DISP1: variants seen among roughly 807,000 people sequenced by gnomAD.
DISP1 encodes the protein dispatched RND transporter family member 1.
In DISP1, 30 loss-of-function variants were observed where a neutral mutation model predicts 37.3. The ratio of observed to expected loss-of-function variants is 0.80; its 90% CI spans 0.60 to 1.09. The LOEUF (loss-of-function observed/expected upper bound fraction) is 1.09. DISP1 is among the 50% of genes least tolerant of loss of function. DISP1 has a pLI of 0.00. For missense variants in DISP1, 1,598 were observed against 1,879.5 expected, an observed-to-expected ratio of 0.85 and a Z score of 2.77; for synonymous variants, 634 against 690.2, an observed-to-expected ratio of 0.92 and a Z score of 1.28.
intron 2 of DISP1, among the ~76,000 whole-genome samples, chr1:222,936,125 A>G (rs956699604): frequency 5.9e-5 from 9 of 152,158 alleles, no homozygotes; most frequent in Non-Finnish European, 1.0e-4. Flanking sequence ...AAATACCTGC[A>G]TTACAGTTGT....
At chr1:222,986,306 G>A (rs201194595) in intron 4 of DISP1, among the ~76,000 whole-genome samples, 2 of 151,768 alleles carry the variant, frequency 1.3e-5, no homozygotes, top group Non-Finnish European at 2.9e-5. Context: ...AAGAGCAAGG[G>A]AAAAAAAATC....
At position 223,005,281 on chromosome 1, in the gene DISP1, G is replaced by A. The variant is rs1679816376; in HGVS notation, c.3884G>A (p.Cys1295Tyr). ...TGCCAGCAGATGGGGGACTGCTTGT[G>A]CCACCAGTGCTCTCCTACCACTAGC... ...HSCQQMGDCLCHQCSPTTSSF... is the reference protein window; with the variant it reads ...HSCQQMGDCLYHQCSPTTSSF... The change falls in exon 9 of 9, where the codon TGC becomes TAC. Residue 1295 changes from cysteine to tyrosine, a missense_variant. Physicochemically the swap from Cys to Tyr is radical, Grantham distance 194. Transcript: ENST00000675850. 5.0e-6 allele frequency: 8 copies of A among 1,613,790 alleles called. No homozygotes were observed. In the East Asian group the frequency reaches 1.8e-4, roughly 36 times the overall value.
intron 2 of DISP1, among the ~76,000 whole-genome samples, chr1:222,937,700 T>C (rs905581091): frequency 6.6e-6 from 1 of 151,938 alleles, no homozygotes; most frequent in Non-Finnish European, 1.5e-5. Context: ...AATTTGTTGA[T>C]ATTGGCATGT....
intron 1 of DISP1, among the ~76,000 whole-genome samples, chr1:222,918,965 T>G (rs1369443324): frequency 6.6e-6 from 1 of 152,224 alleles, no homozygotes; most frequent in East Asian, 1.9e-4. Context: ...CTTGTGTTTT[T>G]ATAGGAAATG....
At chr1:222,885,723 A>G (rs184288506) in intron 1 of DISP1, among the ~76,000 whole-genome samples, 1 of 151,932 alleles carries the variant, frequency 6.6e-6, no homozygotes, top group African/African-American at 2.4e-5. Context: ...GCATTTAGAA[A>G]CCAAGTCTGA....
At chr1:222,962,580 A>T (rs1676148760) in intron 3 of DISP1, among the ~76,000 whole-genome samples, 1 of 152,212 alleles carries the variant, frequency 6.6e-6, no homozygotes, top group Non-Finnish European at 1.5e-5. Context: ...ACCAAAACAG[A>T]CATATAGACC....
chr1:222,816,972 T>C lies in DISP1; in HGVS notation c.-159+1894T>C, dbSNP rs144968419. Among the ~76,000 whole-genome samples the C allele has an allele frequency of 3.8e-3, 573 of 152,374 alleles. 3 individuals are homozygous for C. The highest frequency in any genetic ancestry group is 0.01 in the Middle Eastern group (3 of 294). ...GAGAAATAAAGCACTTGAGAAAGCA[T>C]GCAAGTCTTTAGACATTAGTTCATG... On this transcript the variant is annotated intron_variant, in intron 1 of 8. Coordinates refer to ENST00000675850, the MANE Select transcript of DISP1 (RefSeq NM_001377229.1).
At chr1:222,836,762 TACAC>T (rs545136268) in intron 1 of DISP1, among the ~76,000 whole-genome samples, 2 of 147,472 alleles carry the variant, frequency 1.4e-5, no homozygotes, top group African/African-American at 5.0e-5. Context: ...TATATATATA[TACAC>T]ACACACACAC....
At chr1:222,959,802 G>GAA in intron 3 of DISP1, among the ~76,000 whole-genome samples, 1 of 121,052 alleles carries the variant, frequency 8.3e-6, no homozygotes, top group Non-Finnish European at 1.8e-5. Flanking sequence ...AAATGGGGAA[G>GAA]AAAAAAAAAA....
intron 1 of DISP1, among the ~76,000 whole-genome samples, chr1:222,860,503 A>G (rs1352242185): frequency 1.3e-5 from 2 of 152,194 alleles, no homozygotes; most frequent in East Asian, 3.9e-4. Context: ...AAACCACATC[A>G]TCTATAGTAG....
intron 1 of DISP1, among the ~76,000 whole-genome samples, chr1:222,874,431 C>T (rs1198748075): frequency 1.3e-5 from 2 of 152,194 alleles, no homozygotes; most frequent in Non-Finnish European, 2.9e-5. Flanking sequence ...TCCCATATTT[C>T]TTGGAGGCTT....
At chr1:222,949,220 C>T (rs1675030886) in intron 3 of DISP1, among the ~76,000 whole-genome samples, 1 of 152,112 alleles carries the variant, frequency 6.6e-6, no homozygotes, top group East Asian at 1.9e-4. Flanking sequence ...AATGGCGAAA[C>T]CCTGTCTCTG....
intron 1 of DISP1, chr1:222,835,098 T>C (rs1478062921): frequency 6.6e-6 from 1 of 152,182 alleles, no homozygotes; most frequent in African/African-American, 2.4e-5. Flanking sequence ...ACTAAATATA[T>C]ATTATGTTTT....
intron 1 of DISP1, among the ~76,000 whole-genome samples, chr1:222,914,301 G>T (rs17536056): frequency 3.3e-5 from 5 of 151,918 alleles, no homozygotes; most frequent in Admixed American, 2.0e-4. Context: ...TACACCAAAG[G>T]GATATTCATT....
chr1:222,869,116 T>C (rs1026807327), intron 1 of DISP1, among the ~76,000 whole-genome samples: 1 of 152,192 alleles, frequency 6.6e-6, no homozygotes, highest in African/African-American at 2.4e-5. Context: ...CTGCATTTTG[T>C]GAAGTTTTAA....
intron 3 of DISP1, among the ~76,000 whole-genome samples, chr1:222,966,807 AAGACTTG>A (rs1676528236): frequency 6.6e-6 from 1 of 152,170 alleles, no homozygotes; most frequent in Admixed American, 6.6e-5. Context: ...CCTTTCACTG[AAGACTTG>A]AGTGAAATCA....
At chr1:222,987,106 CTA>C (rs1174570166) in intron 4 of DISP1, among the ~76,000 whole-genome samples, 5 of 151,584 alleles carry the variant, frequency 3.3e-5, no homozygotes, top group Non-Finnish European at 7.4e-5. Flanking sequence ...GATTTATAGA[CTA>C]TTTTTAATTT....
At chr1:222,939,830 CA>C (rs1327970273) in intron 2 of DISP1, among the ~76,000 whole-genome samples, 252 of 113,850 alleles carry the variant, frequency 2.2e-3, no homozygotes, top group Admixed American at 2.8e-3. Context: ...GAGATCCTGT[CA>C]AAAAAAAAAA....
At chr1:222,832,502 G>C (rs985105640) in intron 1 of DISP1, among the ~76,000 whole-genome samples, 1 of 152,138 alleles carries the variant, frequency 6.6e-6, no homozygotes, top group Admixed American at 6.5e-5. Context: ...AGTATTTCAC[G>C]TAGAAGTTTT....
Sources: gnomAD v4.1 joint callset for allele counts (sites outside exome capture counted in the v4.1 genomes callset) on GRCh38, gnomAD v4.1.1 for gene constraint, MANE v1.5 for transcripts, NCBI Gene and HGNC (gene_info 2026-07-23, HGNC 2026-07-21) for gene names.